The following ZNF704 variants were observed in gnomAD, a reference collection of about 807,000 sequenced individuals.
The protein encoded by ZNF704 is zinc finger protein 704.
A neutral mutation model predicts 44.7 loss-of-function variants in ZNF704; 10 were observed. The ratio of observed to expected loss-of-function variants is 0.22; its 90% CI spans 0.14 to 0.38. The LOEUF (loss-of-function observed/expected upper bound fraction) is 0.38. Among genes scored for constraint, ZNF704 ranks in the 10% least tolerant of loss-of-function variants. The probability of loss-of-function intolerance (pLI) is 1.00; values close to 1 mark genes in which losing one functional copy is unlikely to be tolerated. For missense variants in ZNF704, 390 were observed against 545.5 expected (o/e 0.71, Z 2.84); for synonymous variants, 211 against 207.6 (o/e 1.02, Z -0.14).
chr8:80,785,725 C>CT (rs1220373665), intron 2 of ZNF704, among the ~76,000 whole-genome samples: 2 of 152,118 alleles, frequency 1.3e-5, no homozygotes, highest in Non-Finnish European at 2.9e-5. Context: ...TCACTTTCTG[C>CT]TTTCTGGTAT....
At chr8:80,765,561 T>C (rs1052661321) in intron 2 of ZNF704, among the ~76,000 whole-genome samples, 1 of 152,200 alleles carries the variant, frequency 6.6e-6, no homozygotes, top group African/African-American at 2.4e-5. Flanking sequence ...CAACATGATG[T>C]AACTATCCTG....
At chr8:80,729,957 G>A (rs1013119539) in intron 2 of ZNF704, among the ~76,000 whole-genome samples, 36 of 152,098 alleles carry the variant, frequency 2.4e-4, no homozygotes, top group African/African-American at 6.8e-4. Context: ...GGCTTCTCCC[G>A]TGTGCTTGCC....
Position 80,821,600 on chromosome 8 carries a change from G to A in ZNF704, c.-6C>T. On this transcript the variant is annotated 5_prime_UTR_variant, in exon 2 of 9. Coordinates refer to ENST00000327835, the MANE Select transcript of ZNF704 (RefSeq NM_001033723.3). ...GACTGAAATGTGAAGGTCATTTCCC[G>A]CTTAATGCTCCCCACCTGTGAAATG... 1.2e-6 allele frequency: 2 copies of A among 1,612,404 alleles called. No homozygotes were observed. Among genetic ancestry groups the A allele is most frequent in the South Asian group, 1.1e-5 (1 of 90,672 alleles).
intron 2 of ZNF704, among the ~76,000 whole-genome samples, chr8:80,765,011 A>G (rs1807204772): frequency 6.6e-6 from 1 of 152,166 alleles, no homozygotes; most frequent in Non-Finnish European, 1.5e-5. Flanking sequence ...GTCCCATGAC[A>G]GGCTGTCTGA....
rs1451461936 is a variant in ZNF704 at position 80,632,090 on chromosome 8, T to G, written c.*9276A>C. The G allele has an allele frequency of 6.6e-6, 1 of 152,202 alleles. No homozygotes were observed. Among genetic ancestry groups the G allele is most frequent in the African/African-American group, 2.4e-5 (1 of 41,460 alleles). The allele number at this position is 152,202 out of a possible 1,614,324, so 9.4% of individuals were successfully genotyped here. On this transcript the variant is annotated 3_prime_UTR_variant, in exon 9 of 9. Coordinates refer to ENST00000327835, the MANE Select transcript of ZNF704 (RefSeq NM_001033723.3). Reference sequence around the variant, plus strand: ...GGGACTGTTCTCTTTTAAAGCTGTTTCTTGAGTGCTGGTTTTCCTCTTAAG... The same window carrying G: ...GGGACTGTTCTCTTTTAAAGCTGTTGCTTGAGTGCTGGTTTTCCTCTTAAG...
intron 2 of ZNF704, among the ~76,000 whole-genome samples, chr8:80,788,634 C>A (rs2129737279): frequency 6.6e-6 from 1 of 152,286 alleles, no homozygotes; most frequent in African/African-American, 2.4e-5. Context: ...TAGAAAGGAT[C>A]TTAGGTCTAT....
At chr8:80,840,642 A>G in intron 1 of ZNF704, among the ~76,000 whole-genome samples, 1 of 152,142 alleles carries the variant, frequency 6.6e-6, no homozygotes, top group East Asian at 1.9e-4. Flanking sequence ...CCGTCAGTCA[A>G]GTTATCAATA....
intron 6 of ZNF704, among the ~76,000 whole-genome samples, chr8:80,660,037 G>A (rs553326198): frequency 2.0e-5 from 3 of 152,268 alleles, no homozygotes; most frequent in African/African-American, 7.2e-5. Context: ...GAGGGTGGGT[G>A]TGAACTAGTA....
intron 1 of ZNF704, among the ~76,000 whole-genome samples, chr8:80,867,534 C>T (rs1198924707): frequency 6.6e-6 from 1 of 152,008 alleles, no homozygotes; most frequent in East Asian, 1.9e-4. Flanking sequence ...TCAGTGCCCT[C>T]GGTGGTCAAA....
intron 2 of ZNF704, among the ~76,000 whole-genome samples, chr8:80,755,595 G>A (rs1001097969): frequency 3.3e-5 from 5 of 152,136 alleles, no homozygotes; most frequent in African/African-American, 9.7e-5. Flanking sequence ...AGGTTCAATC[G>A]GAACTATTCC....
intron 7 of ZNF704, among the ~76,000 whole-genome samples, chr8:80,650,395 G>A (rs539330417): frequency 6.6e-6 from 1 of 152,142 alleles, no homozygotes; most frequent in Non-Finnish European, 1.5e-5. Flanking sequence ...TCGAACCCAT[G>A]GCAAAGAAGT....
intron 2 of ZNF704, among the ~76,000 whole-genome samples, chr8:80,726,791 C>T (rs1404347256): frequency 6.6e-6 from 1 of 151,796 alleles, no homozygotes; most frequent in East Asian, 1.9e-4. Context: ...TCATCTAATG[C>T]CTTTACATCT....
rs1322763487 is a variant in ZNF704 at position 80,651,816 on chromosome 8, C to A, written c.1032+7769G>T. ...TGAACTCAGCTCTGCACCAAGTGGA[C>A]CTAATAGACATCTACAGAACTCTCC... On this transcript the variant is annotated intron_variant, in intron 7 of 8. Coordinates refer to ENST00000327835, the MANE Select transcript of ZNF704 (RefSeq NM_001033723.3). Among the ~76,000 whole-genome samples the A allele has an allele frequency of 5.9e-5, 9 of 152,158 alleles. 1 individual carries two copies.
chr8:80,797,884 C>T (rs921588856), intron 2 of ZNF704, among the ~76,000 whole-genome samples: 4 of 152,046 alleles, frequency 2.6e-5, no homozygotes, highest in Non-Finnish European at 5.9e-5. Context: ...AAGAGTTTTC[C>T]AAATCCTTCT....
At chr8:80,842,290 G>C (rs1334237441) in intron 1 of ZNF704, among the ~76,000 whole-genome samples, 2 of 152,182 alleles carry the variant, frequency 1.3e-5, no homozygotes, top group Non-Finnish European at 2.9e-5. Flanking sequence ...CTATAAGATA[G>C]GGAGGACAGG....
chr8:80,827,633 A>T (rs537360793), intron 1 of ZNF704, among the ~76,000 whole-genome samples: 46 of 152,342 alleles, frequency 3.0e-4, no homozygotes, highest in African/African-American at 1.1e-3. Context: ...AAGCCAAAAG[A>T]ACAAGGCTGG....
At chr8:80,779,679 T>C (rs1292724893) in intron 2 of ZNF704, among the ~76,000 whole-genome samples, 1 of 151,944 alleles carries the variant, frequency 6.6e-6, no homozygotes, top group Non-Finnish European at 1.5e-5. Context: ...ATACTAATAA[T>C]ACATTTCACA....
chr8:80,841,684 C>T (rs1307495825), intron 1 of ZNF704, among the ~76,000 whole-genome samples: 3 of 152,194 alleles, frequency 2.0e-5, no homozygotes, highest in Admixed American at 1.3e-4. Context: ...ATAGCTACCC[C>T]TCTGGCATGA....
chr8:80,883,852 A>G, the ZNF704 span, among the ~76,000 whole-genome samples: 1 of 152,232 alleles, frequency 6.6e-6, no homozygotes, highest in South Asian at 2.1e-4. Context: ...GACAGATGTC[A>G]AAAGCTCCTA....
Sources: allele counts gnomAD v4.1 joint callset (sites outside exome capture counted in the v4.1 genomes callset), GRCh38; gene constraint gnomAD v4.1.1; transcripts MANE v1.5; gene names NCBI Gene and HGNC (gene_info 2026-07-23, HGNC 2026-07-21).